The following FOXP2 variants were observed in gnomAD, a reference collection of about 807,000 sequenced individuals.
FOXP2 encodes the protein forkhead box P2.
Under a neutral mutation model 115.8 loss-of-function variants are expected in FOXP2, and 12 were observed. The observed-to-expected ratio is 0.10, with a 90% CI of 0.07 to 0.17. The LOEUF is 0.17. Ranked by LOEUF, FOXP2 falls within the 10% of genes least tolerant of loss-of-function variation. FOXP2 has a pLI of 1.00. For synonymous variants in FOXP2, 328 were observed against 297.7 expected (o/e 1.10, Z -1.05); for missense variants, 629 against 843.5 (o/e 0.75, Z 3.15).
At chr7:114,682,893 C>A (rs991892416) in intron 16 of FOXP2, among the ~76,000 whole-genome samples, 2 of 152,040 alleles carry the variant, frequency 1.3e-5, no homozygotes, top group African/African-American at 2.4e-5. Context: ...AATTTATAGG[C>A]ATAGGTACTG....
intron 1 of FOXP2, among the ~76,000 whole-genome samples, chr7:114,174,997 T>C (rs926240456): frequency 1.3e-5 from 2 of 152,062 alleles, no homozygotes; most frequent in African/African-American, 4.8e-5. Context: ...CTACCTCAAA[T>C]CTTAACTAAT....
At chr7:114,555,808 C>CA (rs1387981173) in intron 3 of FOXP2, among the ~76,000 whole-genome samples, 1 of 151,874 alleles carries the variant, frequency 6.6e-6, no homozygotes, top group African/African-American at 2.4e-5. Flanking sequence ...AACAAACAAA[C>CA]AAAAAAACAA....
intron 1 of FOXP2, among the ~76,000 whole-genome samples, chr7:114,254,403 C>A (rs1487723480): frequency 1.3e-5 from 2 of 152,164 alleles, no homozygotes; most frequent in Non-Finnish European, 2.9e-5. Context: ...AACTTGGTTC[C>A]ATTCTCCCCG....
chr7:114,321,954 T>G (rs1797432927), intron 2 of FOXP2, among the ~76,000 whole-genome samples: 1 of 152,096 alleles, frequency 6.6e-6, no homozygotes. Flanking sequence ...CTCATGCAAT[T>G]TTTCTATGCT....
chr7:114,299,156 T>C (rs547616783), intron 2 of FOXP2, among the ~76,000 whole-genome samples: 2 of 152,132 alleles, frequency 1.3e-5, no homozygotes, highest in Non-Finnish European at 2.9e-5. Flanking sequence ...CTGCTCAAGG[T>C]AAATAACTAT....
intron 2 of FOXP2, among the ~76,000 whole-genome samples, chr7:114,354,069 A>G (rs998611678): frequency 6.6e-6 from 1 of 152,140 alleles, no homozygotes; most frequent in Admixed American, 6.6e-5. Flanking sequence ...CTCACCAATC[A>G]TGTTGGGCAT....
At chr7:114,122,275 AT>A (rs1791586013) in intron 1 of FOXP2, among the ~76,000 whole-genome samples, 1 of 152,128 alleles carries the variant, frequency 6.6e-6, no homozygotes, top group South Asian at 2.1e-4. Context: ...ACTTGCAGAA[AT>A]TATTTACTAT....
chr7:114,442,503 G>C (rs954526512), intron 2 of FOXP2, among the ~76,000 whole-genome samples: 2 of 152,102 alleles, frequency 1.3e-5, no homozygotes, highest in African/African-American at 4.8e-5. Context: ...TGTTGCCCAG[G>C]CTGGAGATCA....
At chr7:114,177,750 C>T (rs1404863792) in intron 1 of FOXP2, among the ~76,000 whole-genome samples, 1 of 151,808 alleles carries the variant, frequency 6.6e-6, no homozygotes, top group Non-Finnish European at 1.5e-5. Context: ...ATTTTGTGTA[C>T]TGGCTAAATG....
At chr7:114,448,403 C>T (rs541562439) in intron 2 of FOXP2, among the ~76,000 whole-genome samples, 14 of 151,958 alleles carry the variant, frequency 9.2e-5, no homozygotes, top group Middle Eastern at 3.4e-3. Context: ...GTACCTGGGG[C>T]GCAGGCAGAC....
At chr7:114,191,475 G>A (rs1400954624) in intron 1 of FOXP2, among the ~76,000 whole-genome samples, 3 of 152,144 alleles carry the variant, frequency 2.0e-5, no homozygotes, top group Non-Finnish European at 4.4e-5. Flanking sequence ...AGTTTTTCTC[G>A]AGAGACGCAT....
chr7:114,155,116 A>T (rs1195429981), intron 1 of FOXP2, among the ~76,000 whole-genome samples: 2 of 152,168 alleles, frequency 1.3e-5, no homozygotes, highest in African/African-American at 4.8e-5. Context: ...CTGACTCTTA[A>T]CAACTACTTG....
At chr7:114,126,944 T>C (rs1791726650) in intron 1 of FOXP2, among the ~76,000 whole-genome samples, 1 of 152,182 alleles carries the variant, frequency 6.6e-6, no homozygotes. Context: ...TATTATCTCA[T>C]AGTTTTTGGG....
chr7:114,414,916 ACACATG>A lies in FOXP2; in HGVS notation c.-450_-445del. 2 of 377,270 alleles carry A rather than the reference ACACATG, an allele frequency of 5.3e-6. No homozygotes were observed. The highest frequency in any genetic ancestry group is 2.1e-5 in the African/African-American group (1 of 47,518). The allele number at this position is 377,270 out of a possible 1,614,324, so 23.4% of individuals were successfully genotyped here. A position where few individuals can be genotyped will look rare whatever the true frequency, so the allele number is the denominator to read the frequency against. On this transcript the variant is annotated 5_prime_UTR_variant, in exon 1 of 17. The change abolishes an upstream ATG in the 5' untranslated region. Transcript: ENST00000350908. ...CTCACACACACACTCACACACTCAC[ACACATG>A]CACACACACACATACACACACACAA...
chr7:114,578,621 C>G lies in FOXP2; in HGVS notation c.258+43915C>G, dbSNP rs1446969765. ...CTATGTGTCTGTCAAATAAGGAAAT[C>G]ACTCTGTTTTTCCAAATGTTGCTGA... On this transcript the variant is annotated intron_variant, in intron 3 of 16. Transcript: ENST00000350908. Among the ~76,000 whole-genome samples, 3 of 152,170 alleles carry G rather than the reference C, an allele frequency of 2.0e-5. No homozygotes were observed. In the East Asian group the frequency reaches 5.8e-4, roughly 29 times the overall value.
chr7:114,253,159 G>A (rs1159105643), intron 1 of FOXP2, among the ~76,000 whole-genome samples: 1 of 152,180 alleles, frequency 6.6e-6, no homozygotes, highest in Non-Finnish European at 1.5e-5. Context: ...CTGAGAGACA[G>A]TTTGTTATAA....
intron 1 of FOXP2, among the ~76,000 whole-genome samples, chr7:114,194,029 G>GTTCT (rs891536664): frequency 1.5e-5 from 1 of 67,274 alleles, no homozygotes; most frequent in African/African-American, 2.8e-5. Flanking sequence ...CTGTAACCCT[G>GTTCT]TGCTTTGGAA....
chr7:114,445,846 TA>T lies in FOXP2; in HGVS notation c.168+19169del, dbSNP rs201851637. Among the ~76,000 whole-genome samples, 1,385 of 152,212 alleles carry T rather than the reference TA, an allele frequency of 9.1e-3. 18 individuals are homozygous for T. Among genetic ancestry groups the T allele is most frequent in the African/African-American group, 0.032 (1,319 of 41,558 alleles). ...TTACCTTCAGATAACACATCTGATTTAATTAAGTGCATGATACTCTATCAAG... is the reference window on the plus strand; with the variant it reads ...TTACCTTCAGATAACACATCTGATTTATTAAGTGCATGATACTCTATCAAG... On this transcript the variant is annotated intron_variant, in intron 2 of 16. Coordinates refer to ENST00000350908, the MANE Select transcript of FOXP2 (RefSeq NM_014491.4).
At chr7:114,347,204 T>C (rs940982466) in intron 2 of FOXP2, among the ~76,000 whole-genome samples, 1 of 151,974 alleles carries the variant, frequency 6.6e-6, no homozygotes, top group Non-Finnish European at 1.5e-5. Context: ...AAACAGTTTA[T>C]ATATAATTGA....
Sources: allele counts gnomAD v4.1 joint callset (sites outside exome capture counted in the v4.1 genomes callset), GRCh38; gene constraint gnomAD v4.1.1; transcripts MANE v1.5; gene names NCBI Gene and HGNC (gene_info 2026-07-23, HGNC 2026-07-21).